DCTN2: variants seen among roughly 807,000 people sequenced by gnomAD.
DCTN2 encodes 50 kDa dynein-associated polypeptide.
In DCTN2, 18 loss-of-function variants were observed where a neutral mutation model predicts 55.4. That is an observed-to-expected ratio of 0.32 (90% CI 0.22 to 0.48). DCTN2 has a LOEUF of 0.48. Among genes scored for constraint, DCTN2 ranks in the 20% least tolerant of loss-of-function variants. DCTN2 has a pLI of 0.99. For missense variants in DCTN2, 390 were observed against 491.0 expected, an observed-to-expected ratio of 0.79 and a Z score of 1.94; for synonymous variants, 168 against 185.2, an observed-to-expected ratio of 0.91 and a Z score of 0.76.
chr12:57,537,757 G>A (rs1246902710), intron 2 of DCTN2, among the ~76,000 whole-genome samples: 3 of 152,122 alleles, frequency 2.0e-5, no homozygotes, highest in Admixed American at 6.5e-5. Flanking sequence ...GCAAGTGCCC[G>A]GGGGGAGAGA....
intron 2 of DCTN2, chr12:57,543,941 G>T: frequency 1.6e-6 from 1 of 628,866 alleles, no homozygotes. Flanking sequence ...TGCACAGTCA[G>T]GTTCTTCCAC....
chr12:57,543,209 T>C (rs576545275), intron 2 of DCTN2: 4 of 362,046 alleles, frequency 1.1e-5, no homozygotes, highest in Non-Finnish European at 2.2e-5. Flanking sequence ...ATTAGCCGGG[T>C]GTGGTGGTGG....
In DCTN2 at chr12:57,535,092, C is replaced by T; in HGVS notation, c.327G>A (p.Glu109=). 1.2e-6 allele frequency: 2 copies of T among 1,613,696 alleles called. No individual in the cohort carries two copies. Among genetic ancestry groups the T allele is most frequent in the Non-Finnish European group, 1.7e-6 (2 of 1,179,842 alleles). The change falls in exon 5 of 14, where the codon GAG becomes GAA. Residue 109 remains glutamate, a synonymous_variant. Transcript: ENST00000548249. ...PQQKYQRLLH[E]VQELTTEVEK... Reference sequence around the variant, plus strand: ...CAACTTCAGTTGTCAGCTCTTGGACCTCATGCAGTAGGCGCTGGTACTTTT... The same window carrying T: ...CAACTTCAGTTGTCAGCTCTTGGACTTCATGCAGTAGGCGCTGGTACTTTT...
In DCTN2 at chr12:57,530,667, G is replaced by A; in HGVS notation, c.*22C>T. On this transcript the variant is annotated 3_prime_UTR_variant, in exon 14 of 14. Transcript: ENST00000548249. ...GTTCACAGGGGTAGGGATAACCCCT[G>A]TTCTCCAGCTCCCAAATGTGCTCAC... 7 of 1,605,272 alleles carry A rather than the reference G, an allele frequency of 4.4e-6. No individual in the cohort carries two copies. The highest frequency in any genetic ancestry group is 5.1e-6 in the Non-Finnish European group (6 of 1,172,588).
intron 11 of DCTN2, 56 bp from the exon 12 acceptor site, chr12:57,532,371 T>C (rs1212882902): frequency 2.2e-5 from 32 of 1,447,088 alleles, no homozygotes; most frequent in Non-Finnish European, 3.0e-5. Flanking sequence ...GGTCAGTATG[T>C]ACAGACTGCT....
intron 2 of DCTN2, among the ~76,000 whole-genome samples, chr12:57,541,045 A>C (rs1157149929): frequency 6.6e-6 from 1 of 152,190 alleles, no homozygotes; most frequent in Admixed American, 6.5e-5. Context: ...GGAGAAAGGA[A>C]ACTGCCTTCT....
intron 5 of DCTN2, 28 bp from the exon 6 acceptor site, chr12:57,534,480 G>A: frequency 6.4e-7 from 1 of 1,561,002 alleles, no homozygotes; most frequent in East Asian, 2.3e-5. Flanking sequence ...AGAAATCGGG[G>A]GATGGCAAGA....
chr12:57,544,703 T>C (rs1464980424), intron 2 of DCTN2, among the ~76,000 whole-genome samples: 2 of 152,146 alleles, frequency 1.3e-5, no homozygotes. Context: ...TATTTTTTAT[T>C]TTTAAAAAAT....
At chr12:57,535,282 A>G (rs1052285040) in intron 4 of DCTN2, 128 bp from the exon 5 acceptor site, 10 of 986,562 alleles carry the variant, frequency 1.0e-5, no homozygotes, top group Non-Finnish European at 1.5e-5. Flanking sequence ...CCCTAGTACC[A>G]AAGAACTGAG....
intron 2 of DCTN2, among the ~76,000 whole-genome samples, chr12:57,541,841 A>G (rs896821719): frequency 3.9e-5 from 6 of 152,156 alleles, no homozygotes; most frequent in African/African-American, 1.4e-4. Context: ...CTATTGCCCC[A>G]ATTAACCTGG....
In DCTN2 at chr12:57,532,635, C is replaced by T; in HGVS notation, c.861G>A (p.Leu287=). 6.2e-7 allele frequency: 1 copy of T among 1,613,948 alleles called. No homozygotes were observed. Among genetic ancestry groups the T allele is most frequent in the Non-Finnish European group, 8.5e-7 (1 of 1,179,884 alleles). ...DQVEARLQSV[L]GKVNEIAKHK... ...GCTTGGCAATCTCGTTCACCTTTCC[C>T]AGGACACTCTGAAAACACAGATTTT... is the stretch of plus-strand genomic sequence containing the variant. Residue 287 remains leucine, a synonymous_variant, in exon 11 of 14, where the codon CTG becomes CTA. Coordinates refer to ENST00000548249, the MANE Select transcript of DCTN2 (RefSeq NM_001261413.2).
At chr12:57,531,504 G>A (rs775323) in intron 13 of DCTN2, among the ~76,000 whole-genome samples, 24,156 of 152,162 alleles carry the variant, frequency 0.16, 2,017 homozygotes, top group East Asian at 0.27. Context: ...GCAACAGAGC[G>A]AGACTCTGTC....
rs1460774975 is a variant in DCTN2, at chr12:57,535,312, G to A, written c.265-158C>T. ...ACTGAGGACAGCTAGAGGGCTGGAG[G>A]CTCTCCAGAACAAACAGCAGTAGGG... is the stretch of plus-strand genomic sequence containing the variant. On this transcript the variant is annotated intron_variant, in intron 4 of 13. Transcript: ENST00000548249. 8.0e-6 allele frequency: 8 copies of A among 999,778 alleles called. No homozygotes were observed. In the South Asian group the frequency reaches 1.1e-4, roughly 14 times the overall value. The allele number at this position is 999,778 out of a possible 1,614,324, so 61.9% of individuals were successfully genotyped here.
chr12:57,547,034 G>A lies in DCTN2; in HGVS notation c.30C>T (p.Pro10=), dbSNP rs757557187. 5.4e-6 allele frequency: 7 copies of A among 1,289,986 alleles called. No homozygotes were observed. Among genetic ancestry groups the A allele is most frequent in the Non-Finnish European group, 5.9e-6 (6 of 1,010,636 alleles). The allele number at this position is 1,289,986 out of a possible 1,614,324, so 79.9% of individuals were successfully genotyped here. ...GGGCCGGTCCTGTACTCACAATGCC[G>A]GGAAGGTCGGCGTATTTAGGGTCCG... The part of the protein sequence containing the change: MADPKYADL[P]GIARNEPDVY... Residue 10 remains proline, a synonymous_variant, in exon 1 of 14, where the codon CCC becomes CCT. Coordinates refer to ENST00000548249, the MANE Select transcript of DCTN2 (RefSeq NM_001261413.2).
chr12:57,531,529 CA>C (rs1373587328), intron 13 of DCTN2, among the ~76,000 whole-genome samples: 1 of 152,020 alleles, frequency 6.6e-6, no homozygotes, highest in Non-Finnish European at 1.5e-5. Flanking sequence ...AAATAAAAAA[CA>C]ATAAGAAATT....
intron 13 of DCTN2, among the ~76,000 whole-genome samples, 161 bp from the exon 14 acceptor site, chr12:57,530,936 A>T (rs1257078162): frequency 6.6e-6 from 1 of 152,204 alleles, no homozygotes; most frequent in African/African-American, 2.4e-5. Flanking sequence ...CTACCCTTAG[A>T]GTACATAGAC....
chr12:57,538,646 A>C, intron 2 of DCTN2: 1 of 676,980 alleles, frequency 1.5e-6, no homozygotes, highest in East Asian at 2.8e-5. Context: ...CATGCACTAC[A>C]TGACAGTCTT....
At chr12:57,545,957 AGAAAGG>A in intron 2 of DCTN2, 65 bp downstream of exon 2, 1 of 1,523,498 alleles carries the variant, frequency 6.6e-7, no homozygotes, top group South Asian at 1.1e-5. Flanking sequence ...AGCTCCCCCG[AGAAAGG>A]GAAGGACCTG....
chr12:57,538,221 T>C (rs1880402622), intron 2 of DCTN2: 4 of 491,282 alleles, frequency 8.1e-6, no homozygotes, highest in Admixed American at 2.8e-5. Flanking sequence ...TCATTCCTGC[T>C]GTGGGAGAGT....
Sources: allele counts gnomAD v4.1 joint callset (sites outside exome capture counted in the v4.1 genomes callset), GRCh38; gene constraint gnomAD v4.1.1; transcripts MANE v1.5; gene names NCBI Gene and HGNC (gene_info 2026-07-23, HGNC 2026-07-21).